The following MME variants were observed in gnomAD, a reference collection of about 807,000 sequenced individuals.
MME encodes neprilysin.
Under a neutral mutation model 113.2 loss-of-function variants are expected in MME, and 98 were observed. The ratio of observed to expected loss-of-function variants is 0.87; its 90% CI spans 0.74 to 1.02. The LOEUF (loss-of-function observed/expected upper bound fraction) is 1.02. MME is among the 50% of genes least tolerant of loss of function. The pLI, the probability that MME is intolerant of heterozygous loss-of-function variation, is 0.00. For missense variants in MME, 836 were observed against 896.0 expected, an observed-to-expected ratio of 0.93 and a Z score of 0.86; for synonymous variants, 292 against 300.6, an observed-to-expected ratio of 0.97 and a Z score of 0.30.
At chr3:155,137,252 G>T (rs371950149) in intron 8 of MME, among the ~76,000 whole-genome samples, 3 of 152,272 alleles carry the variant, frequency 2.0e-5, no homozygotes, top group East Asian at 3.9e-4. Flanking sequence ...AAACCTACAG[G>T]TGTGTGTTGG....
intron 8 of MME, among the ~76,000 whole-genome samples, chr3:155,133,062 A>AAAAATATATATAT (rs1553762419): frequency 1.3e-5 from 1 of 75,102 alleles, no homozygotes; most frequent in Non-Finnish European, 2.6e-5. Context: ...AAAAAAAAAA[A>AAAAATATATATAT]ATATATATAT....
intron 20 of MME, among the ~76,000 whole-genome samples, chr3:155,171,476 C>T (rs1212099186): frequency 6.6e-6 from 1 of 152,110 alleles, no homozygotes. Flanking sequence ...GAGGAAAACT[C>T]ATTTTTTTCA....
At chr3:155,128,233 G>A (rs1719845455) in intron 8 of MME, among the ~76,000 whole-genome samples, 1 of 152,132 alleles carries the variant, frequency 6.6e-6, no homozygotes. Flanking sequence ...TGGGCATGGG[G>A]GTGAGAGCGT....
intron 16 of MME, chr3:155,158,432 G>A (rs185460462): frequency 1.3e-5 from 2 of 152,142 alleles, no homozygotes; most frequent in Admixed American, 6.6e-5. Context: ...GGACACATCA[G>A]AATTACCTTT....
At chr3:155,114,595 C>T (rs1718447266) in intron 3 of MME, among the ~76,000 whole-genome samples, 1 of 152,142 alleles carries the variant, frequency 6.6e-6, no homozygotes, top group African/African-American at 2.4e-5. Flanking sequence ...AGTCACAGCA[C>T]TTTGAAGAGC....
At chr3:155,158,946 A>G (rs1465302364) in intron 16 of MME, 1 of 152,058 alleles carries the variant, frequency 6.6e-6, no homozygotes, top group Admixed American at 6.6e-5. Flanking sequence ...AAACATGTTG[A>G]TCAATCATTC....
intron 1 of MME, among the ~76,000 whole-genome samples, chr3:155,031,979 A>G (rs1712988258): frequency 6.6e-6 from 1 of 152,186 alleles, no homozygotes; most frequent in African/African-American, 2.4e-5. Flanking sequence ...GTTTTTAATT[A>G]AACATGCAGA....
intron 14 of MME, among the ~76,000 whole-genome samples, chr3:155,145,751 T>G (rs1475797986): frequency 6.6e-6 from 1 of 152,196 alleles, no homozygotes; most frequent in Non-Finnish European, 1.5e-5. Context: ...TAATTCACAA[T>G]AATTTTTTTG....
chr3:155,087,388 A>G (rs547256628), intron 3 of MME, among the ~76,000 whole-genome samples: 1 of 152,080 alleles, frequency 6.6e-6, no homozygotes, highest in African/African-American at 2.4e-5. Flanking sequence ...TGCTCGACAT[A>G]GTAAGTTTTT....
At chr3:155,119,713 T>C (rs1421314134) in intron 8 of MME, among the ~76,000 whole-genome samples, 266 of 151,382 alleles carry the variant, frequency 1.8e-3, no homozygotes, top group African/African-American at 6.3e-3. Flanking sequence ...TGATTTCCAA[T>C]TTCATCCATG....
intron 8 of MME, among the ~76,000 whole-genome samples, chr3:155,132,973 G>A (rs896022426): frequency 2.0e-5 from 3 of 146,748 alleles, no homozygotes; most frequent in South Asian, 2.2e-4. Flanking sequence ...CCCAGGACGC[G>A]GAGGTTGCAG....
At chr3:155,030,100 T>G (rs1199030393) in intron 1 of MME, among the ~76,000 whole-genome samples, 1 of 152,128 alleles carries the variant, frequency 6.6e-6, no homozygotes, top group African/African-American at 2.4e-5. Flanking sequence ...GGCACAGAAA[T>G]TAGATCTAAA....
At position 155,138,113 on chromosome 3, in the gene MME, A is replaced by T; in HGVS notation, c.732A>T (p.Ala244=). The stretch of plus-strand genomic sequence containing the variant: ...TTTTTTTCTTGCAGGCTTGTACAGC[A>T]TATGTGGATTTTATGATTTCTGTGG... The part of the protein sequence containing the change: ...CTGIYKEACT[A]YVDFMISVAR... The change falls in exon 9 of 23, where the codon GCA becomes GCT. Residue 244 remains alanine (A), a synonymous_variant. Coordinates refer to ENST00000360490, the MANE Select transcript of MME (RefSeq NM_007289.4). 6.2e-7 allele frequency: 1 copy of T among 1,613,766 alleles called. No individual in the cohort carries two copies.
intron 3 of MME, among the ~76,000 whole-genome samples, chr3:155,093,057 A>T (rs1716428544): frequency 6.6e-6 from 1 of 152,004 alleles, no homozygotes; most frequent in Non-Finnish European, 1.5e-5. Flanking sequence ...GCCGTTAAAA[A>T]AAAAAAAGCA....
At chr3:155,025,971 T>C (rs568110235) in intron 1 of MME, among the ~76,000 whole-genome samples, 40 of 151,978 alleles carry the variant, frequency 2.6e-4, no homozygotes, top group Middle Eastern at 6.8e-3. Context: ...CTAAAAGATA[T>C]CAGGTATCAG....
chr3:155,109,434 A>G (rs1477645453), intron 3 of MME, among the ~76,000 whole-genome samples: 5 of 152,184 alleles, frequency 3.3e-5, no homozygotes, highest in Non-Finnish European at 5.9e-5. Flanking sequence ...CATGAGACAC[A>G]TGTGAGGTTC....
intron 1 of MME, among the ~76,000 whole-genome samples, chr3:155,042,143 G>A (rs778120553): frequency 6.6e-6 from 1 of 152,094 alleles, no homozygotes; most frequent in Non-Finnish European, 1.5e-5. Context: ...CTGAGATAAT[G>A]TGCACAAACA....
intron 1 of MME, among the ~76,000 whole-genome samples, chr3:155,042,221 T>C (rs1387006075): frequency 6.6e-6 from 1 of 151,872 alleles, no homozygotes; most frequent in Non-Finnish European, 1.5e-5. Flanking sequence ...TGAACAATTG[T>C]TGCAAACTAG....
intron 3 of MME, among the ~76,000 whole-genome samples, chr3:155,110,495 G>T (rs1475906813): frequency 6.6e-6 from 1 of 152,194 alleles, no homozygotes; most frequent in Non-Finnish European, 1.5e-5. Context: ...CCAGATGGTA[G>T]TTGAACTTGC....
Sources: gnomAD v4.1 joint callset for allele counts (sites outside exome capture counted in the v4.1 genomes callset) on GRCh38, gnomAD v4.1.1 for gene constraint, MANE v1.5 for transcripts, NCBI Gene and HGNC (gene_info 2026-07-23, HGNC 2026-07-21) for gene names.